The following LIN9 variants were observed in gnomAD, a reference collection of about 807,000 sequenced individuals.
LIN9 encodes the protein protein lin-9 homolog.
In LIN9, 18 loss-of-function variants were observed where a neutral mutation model predicts 78.0. The ratio of observed to expected loss-of-function variants is 0.23; its 90% confidence interval spans 0.16 to 0.34. The LOEUF (loss-of-function observed/expected upper bound fraction) is 0.34, where lower values mean the gene tolerates loss of function less well. Among genes scored for constraint, LIN9 ranks in the 10% least tolerant of loss-of-function variants. LIN9 has a pLI of 1.00. For synonymous variants in LIN9, 192 were observed against 215.2 expected (o/e 0.89, Z 0.94); for missense variants, 451 against 644.1 (o/e 0.70, Z 3.25).
At chr1:226,275,783 C>T (rs191778996) in intron 7 of LIN9, among the ~76,000 whole-genome samples, 10 of 151,976 alleles carry the variant, frequency 6.6e-5, no homozygotes, top group Admixed American at 3.3e-4. Context: ...TTTGGGAGGC[C>T]GAGGTGGACA....
intron 10 of LIN9, among the ~76,000 whole-genome samples, chr1:226,256,037 A>G (rs1205097799): frequency 2.0e-5 from 3 of 152,018 alleles, no homozygotes; most frequent in Non-Finnish European, 4.4e-5. Context: ...AACACCACAA[A>G]AACCTCTAGA....
At position 226,257,668 on chromosome 1, in the gene LIN9, G is replaced by A. The variant is rs533213988; in HGVS notation, c.1039-6749C>T. 5.3e-4 allele frequency among the ~76,000 whole-genome samples: 80 copies of A among 152,034 alleles called. 1 individual carries two copies. The highest frequency in any genetic ancestry group is 1.8e-3 in the African/African-American group (74 of 41,472). ...TTAAAGAAAGCTAAAAGAAAAAAAA[G>A]TATAACCTATATGCTAAGAAAGCAG... On this transcript the variant is annotated intron_variant, in intron 10 of 14. Transcript: ENST00000681046.
intron 1 of LIN9, among the ~76,000 whole-genome samples, chr1:226,304,235 C>T (rs563558583): frequency 3.3e-5 from 5 of 152,274 alleles, no homozygotes; most frequent in East Asian, 3.9e-4. Flanking sequence ...CTTGCTCTAA[C>T]GAGGTGTTCA....
At chr1:226,260,714 G>A (rs549281485) in intron 10 of LIN9, among the ~76,000 whole-genome samples, 91 of 132,230 alleles carry the variant, frequency 6.9e-4, no homozygotes, top group South Asian at 3.3e-3. Flanking sequence ...GCACGAACTC[G>A]GCTCACTGCA....
At chr1:226,232,897 T>G in intron 14 of LIN9, 199 bp downstream of exon 14, 1 of 501,092 alleles carries the variant, frequency 2.0e-6, no homozygotes, top group Non-Finnish European at 3.5e-6. Context: ...TAAATATATG[T>G]CCTGATTTCT....
At chr1:226,266,417 T>C in intron 8 of LIN9, 85 bp from the exon 9 acceptor site, 3 of 1,117,588 alleles carry the variant, frequency 2.7e-6, no homozygotes, top group Non-Finnish European at 2.5e-6. Context: ...GCTTGAGATA[T>C]ATATTCACGC....
chr1:226,265,606 G>A lies in LIN9; in HGVS notation c.965C>T (p.Pro322Leu), dbSNP rs371182825. The A allele has an allele frequency of 5.8e-5, 94 of 1,607,582 alleles. No homozygotes were observed. The highest frequency in any genetic ancestry group is 1.8e-4 in the Admixed American group (11 of 59,938). Residue 322 changes from proline to leucine, a missense_variant, in exon 10 of 15, where the codon CCG becomes CTG. Coordinates refer to ENST00000681046, the MANE Select transcript of LIN9 (RefSeq NM_001366245.2). This position sits in a 1 kb window ranked among gnomAD's most constrained non-coding sequence, Gnocchi z 4.1. ...IDNDPLLGQS[P>L]WRSKISGSDT... Reference sequence around the variant, plus strand: ...AGAGCCAGAAATTTTACTTCTCCACGGCGACTGTCCTAATAAAGGATCATT... The same window carrying A: ...AGAGCCAGAAATTTTACTTCTCCACAGCGACTGTCCTAATAAAGGATCATT...
intron 7 of LIN9, among the ~76,000 whole-genome samples, chr1:226,273,596 C>A (rs995398060): frequency 1.3e-5 from 2 of 152,108 alleles, no homozygotes; most frequent in Non-Finnish European, 2.9e-5. Flanking sequence ...AACTATACCT[C>A]TTTGCATTTG....
chr1:226,248,567 CATTAT>C (rs1229882077), intron 11 of LIN9, among the ~76,000 whole-genome samples: 3 of 152,056 alleles, frequency 2.0e-5, no homozygotes, highest in African/African-American at 4.8e-5. Context: ...AAAATATTAG[CATTAT>C]ATTAATAAAA....
At chr1:226,243,876 AATT>A (rs10658121) in intron 11 of LIN9, among the ~76,000 whole-genome samples, 1 of 149,690 alleles carries the variant, frequency 6.7e-6, no homozygotes, top group African/African-American at 2.4e-5. Flanking sequence ...TACAATTAAA[AATT>A]ATTATTATTT....
chr1:226,273,181 T>A (rs1005092494), intron 7 of LIN9, among the ~76,000 whole-genome samples: 26 of 152,128 alleles, frequency 1.7e-4, no homozygotes, highest in Non-Finnish European at 3.4e-4. Context: ...CCTTGCTATT[T>A]TCTATTTATC....
chr1:226,309,379 G>T (rs527793143), upstream of LIN9: 2 of 988,460 alleles, frequency 2.0e-6, no homozygotes, highest in Admixed American at 6.1e-5. Flanking sequence ...GAGCCGGGCG[G>T]GAGGAAGGGA....
intron 10 of LIN9, among the ~76,000 whole-genome samples, chr1:226,262,548 A>G (rs946318881): frequency 1.1e-4 from 16 of 152,208 alleles, no homozygotes; most frequent in African/African-American, 3.4e-4. Context: ...GAGGAAATGT[A>G]TATGTCATCA....
chr1:226,259,365 G>A (rs1246401322), intron 10 of LIN9, among the ~76,000 whole-genome samples: 1 of 152,072 alleles, frequency 6.6e-6, no homozygotes, highest in Admixed American at 6.6e-5. Flanking sequence ...TGGAGATTTT[G>A]ATACCCCTCT....
intron 4 of LIN9, among the ~76,000 whole-genome samples, chr1:226,288,359 G>A (rs992122506): frequency 7.9e-5 from 12 of 152,058 alleles, no homozygotes; most frequent in Non-Finnish European, 1.5e-4. Context: ...CGATGAGAAC[G>A]ACAAATATTT....
chr1:226,302,962 CACTT>C (rs754505217), intron 1 of LIN9, among the ~76,000 whole-genome samples: 10 of 149,504 alleles, frequency 6.7e-5, no homozygotes, highest in Non-Finnish European at 1.4e-4. Context: ...GCATTAAAGA[CACTT>C]ACTTTCACTC....
Position 226,233,084 on chromosome 1 carries a change from C to T in LIN9, c.1523+12G>A. On this transcript the variant is annotated intron_variant, in intron 14 of 14. Transcript: ENST00000681046. Reference sequence around the variant, plus strand: ...TCACATTAAAATGATTAGAGTATACCTAACGAATTACCTGATATTAGAAGC... The same window carrying T: ...TCACATTAAAATGATTAGAGTATACTTAACGAATTACCTGATATTAGAAGC... 6.8e-7 allele frequency: 1 copy of T among 1,481,294 alleles called. No homozygotes were observed. The highest frequency in any genetic ancestry group is 9.3e-7 in the Non-Finnish European group (1 of 1,079,312). The allele number at this position is 1,481,294 out of a possible 1,614,324, so 91.8% of individuals were successfully genotyped here.
At chr1:226,257,624 G>A (rs1425563363) in intron 10 of LIN9, among the ~76,000 whole-genome samples, 2 of 151,914 alleles carry the variant, frequency 1.3e-5, no homozygotes, top group Non-Finnish European at 2.9e-5. Context: ...AGTATATAAT[G>A]TAAACTCTAG....
At chr1:226,287,961 C>T (rs926754555) in intron 4 of LIN9, among the ~76,000 whole-genome samples, 164 bp from the exon 5 acceptor site, 23 of 150,758 alleles carry the variant, frequency 1.5e-4, no homozygotes, top group African/African-American at 5.4e-4. Flanking sequence ...TTAAACACTC[C>T]GATTATTTTT....
Sources: gnomAD v4.1 joint callset for allele counts (sites outside exome capture counted in the v4.1 genomes callset) on GRCh38, gnomAD v4.1.1 for gene constraint, Gnocchi (gnomAD v3.1) non-coding constraint, MANE v1.5 for transcripts, NCBI Gene and HGNC (gene_info 2026-07-23, HGNC 2026-07-21) for gene names.